The following FBXL4 variants were observed in gnomAD, a reference collection of about 807,000 sequenced individuals.
The protein encoded by FBXL4 is F-box and leucine rich repeat protein 4, also known as F-box/LRR-repeat protein 4.
A neutral mutation model predicts 58.9 loss-of-function variants in FBXL4; 40 were observed. The ratio of observed to expected loss-of-function variants is 0.68; its 90% CI spans 0.53 to 0.88. The LOEUF is 0.88. Ranked by LOEUF, FBXL4 falls within the 40% of genes least tolerant of loss-of-function variation. The pLI is 0.00. For synonymous variants in FBXL4, 263 were observed against 265.5 expected (o/e 0.99, Z 0.09); for missense variants, 676 against 734.4 (o/e 0.92, Z 0.92).
chr6:98,937,473 A>G (rs946031158), intron 1 of FBXL4, among the ~76,000 whole-genome samples: 1 of 152,242 alleles, frequency 6.6e-6, no homozygotes, highest in Non-Finnish European at 1.5e-5. Flanking sequence ...TAACAAAATC[A>G]TAAGGAAGAG....
intron 7 of FBXL4, among the ~76,000 whole-genome samples, chr6:98,889,302 C>T (rs1298847268): frequency 6.6e-6 from 1 of 152,144 alleles, no homozygotes; most frequent in African/African-American, 2.4e-5. Flanking sequence ...AAGACTGTTT[C>T]CCCCTACTTT....
At chr6:98,911,151 C>T (rs1222580066) in intron 5 of FBXL4, among the ~76,000 whole-genome samples, 1 of 152,192 alleles carries the variant, frequency 6.6e-6, no homozygotes, top group Non-Finnish European at 1.5e-5. Flanking sequence ...TGCCCAGGCT[C>T]ACTTAGGTAA....
chr6:98,913,258 A>G (rs1018965250), intron 5 of FBXL4, among the ~76,000 whole-genome samples: 15 of 152,146 alleles, frequency 9.9e-5, no homozygotes, highest in African/African-American at 3.6e-4. Flanking sequence ...TCAACATTAG[A>G]CAGATCAACG....
intron 7 of FBXL4, chr6:98,897,425 C>A (rs1432749590): frequency 4.8e-6 from 4 of 828,200 alleles, no homozygotes; most frequent in Admixed American, 1.2e-4. Flanking sequence ...AAATCTGAGA[C>A]AATGTCTTCA....
intron 5 of FBXL4, among the ~76,000 whole-genome samples, chr6:98,915,969 G>T (rs946945936): frequency 3.6e-4 from 54 of 151,876 alleles, no homozygotes; most frequent in South Asian, 1.5e-3. Flanking sequence ...CAAACAAATT[G>T]ACAAGAAAAA....
chr6:98,902,756 A>T (rs1467167871), intron 6 of FBXL4, among the ~76,000 whole-genome samples: 2 of 152,134 alleles, frequency 1.3e-5, no homozygotes, highest in Non-Finnish European at 2.9e-5. Context: ...TCCAAAGCAC[A>T]AACAGGCAGG....
chr6:98,925,592 G>A (rs1772748101), intron 4 of FBXL4, among the ~76,000 whole-genome samples: 1 of 152,162 alleles, frequency 6.6e-6, no homozygotes, highest in South Asian at 2.1e-4. Context: ...ATCAATGGGG[G>A]ACTAGTTAAT....
At chr6:98,911,936 T>C (rs1311234328) in intron 5 of FBXL4, among the ~76,000 whole-genome samples, 2 of 152,126 alleles carry the variant, frequency 1.3e-5, no homozygotes, top group Non-Finnish European at 2.9e-5. Context: ...GAAAAAAATT[T>C]AGACAAATGT....
At chr6:98,932,351 G>C (rs1404558698) in intron 2 of FBXL4, among the ~76,000 whole-genome samples, 2 of 152,120 alleles carry the variant, frequency 1.3e-5, no homozygotes, top group African/African-American at 4.8e-5. Flanking sequence ...TGTATCATGA[G>C]ACTTTCATAC....
At chr6:98,920,410 T>G (rs1439381661) in intron 4 of FBXL4, among the ~76,000 whole-genome samples, 2 of 152,152 alleles carry the variant, frequency 1.3e-5, no homozygotes, top group Non-Finnish European at 2.9e-5. Context: ...AAAATTATAC[T>G]TAAAGTGGAA....
intron 6 of FBXL4, among the ~76,000 whole-genome samples, chr6:98,902,580 T>G (rs911981436): frequency 6.6e-6 from 1 of 152,054 alleles, no homozygotes; most frequent in Non-Finnish European, 1.5e-5. Context: ...CCAAGAATGT[T>G]TCCTAAAGGA....
At chr6:98,941,781 T>C (rs1014247881) in intron 1 of FBXL4, among the ~76,000 whole-genome samples, 1 of 152,154 alleles carries the variant, frequency 6.6e-6, no homozygotes, top group African/African-American at 2.4e-5. Context: ...GAATTAACCA[T>C]TTTAAAGACA....
intron 5 of FBXL4, among the ~76,000 whole-genome samples, chr6:98,912,071 T>A (rs1003352339): frequency 7.9e-5 from 12 of 152,160 alleles, no homozygotes; most frequent in African/African-American, 2.9e-4. Flanking sequence ...GAAGAAAGGT[T>A]ATCAGTGATG....
At chr6:98,919,556 T>C (rs956502456) in intron 4 of FBXL4, among the ~76,000 whole-genome samples, 25 of 152,274 alleles carry the variant, frequency 1.6e-4, no homozygotes, top group Admixed American at 3.3e-4. Flanking sequence ...GGGTATCTTC[T>C]TCTGGTGACA....
At chr6:98,894,222 TTAAAG>T (rs1330380211) in intron 7 of FBXL4, among the ~76,000 whole-genome samples, 1 of 152,194 alleles carries the variant, frequency 6.6e-6, no homozygotes, top group Non-Finnish European at 1.5e-5. Context: ...TCATGTATGG[TTAAAG>T]AAGTACTTGC....
chr6:98,911,400 C>T lies in FBXL4; in HGVS notation c.859-5730G>A, dbSNP rs193090075. Among the ~76,000 whole-genome samples, 361 of 152,244 alleles carry T rather than the reference C, an allele frequency of 2.4e-3. 3 individuals carry two copies. Among genetic ancestry groups the T allele is most frequent in the Non-Finnish European group, 4.0e-3 (269 of 68,014 alleles). ...CCTCAAGTGGGTCCCTGACCCCTGACCCCCAAGCAGCCTAACTGGGAGGCA... is the reference window on the plus strand; with the variant it reads ...CCTCAAGTGGGTCCCTGACCCCTGATCCCCAAGCAGCCTAACTGGGAGGCA... On this transcript the variant is annotated intron_variant, in intron 5 of 9. Transcript: ENST00000369244.
In FBXL4 at chr6:98,917,715, C is replaced by A; in HGVS notation, c.517G>T (p.Glu173Ter). ...SPNPPAEVRW[E>*]ILWSERPTKV... ...GTAGGTCTCTCTGACCAAAGAATCT[C>A]CCATCTGCCAAAAAAAGAAACTTCC... The change falls in exon 5 of 10, where the codon GAG (glutamate) becomes TAG (stop). Residue 173 changes from glutamate to a stop codon, truncating the protein, a stop_gained. Coordinates refer to ENST00000369244, the MANE Select transcript of FBXL4 (RefSeq NM_001278716.2). LOFTEE classifies it high-confidence loss of function. 6.3e-7 allele frequency: 1 copy of A among 1,585,620 alleles called. No homozygotes were observed. Among genetic ancestry groups the A allele is most frequent in the Admixed American group, 1.9e-5 (1 of 53,886 alleles).
chr6:98,919,751 G>A (rs1772507286), intron 4 of FBXL4, among the ~76,000 whole-genome samples: 1 of 152,124 alleles, frequency 6.6e-6, no homozygotes, highest in Non-Finnish European at 1.5e-5. Flanking sequence ...AAACAATGCT[G>A]GTGAGAAAAT....
chr6:98,943,919 C>T (rs1324834792), intron 1 of FBXL4, among the ~76,000 whole-genome samples: 1 of 152,114 alleles, frequency 6.6e-6, no homozygotes, highest in Admixed American at 6.5e-5. Flanking sequence ...CTGAATTCAA[C>T]CAAAATCATA....
Sources: gnomAD v4.1 joint callset for allele counts (sites outside exome capture counted in the v4.1 genomes callset) on GRCh38, gnomAD v4.1.1 for gene constraint, MANE v1.5 for transcripts, NCBI Gene and HGNC (gene_info 2026-07-23, HGNC 2026-07-21) for gene names.